CACNA1C: variants seen among roughly 807,000 people sequenced by gnomAD.
CACNA1C encodes voltage-dependent L-type calcium channel subunit alpha-1C.
A neutral mutation model predicts 229.0 loss-of-function variants in CACNA1C; 30 were observed. That is an observed-to-expected ratio of 0.13 (90% CI 0.10 to 0.18). The LOEUF (loss-of-function observed/expected upper bound fraction) is 0.18. Ranked by LOEUF, CACNA1C falls within the 10% of genes least tolerant of loss-of-function variation. The pLI, the probability that CACNA1C is intolerant of heterozygous loss-of-function variation, is 1.00. For missense variants in CACNA1C, 1,658 were observed against 2,845.0 expected (o/e 0.58, Z 9.49); for synonymous variants, 1,114 against 1,132.5 (o/e 0.98, Z 0.33).
At chr12:2,391,045 A>C (rs931439307) in intron 3 of CACNA1C, among the ~76,000 whole-genome samples, 1 of 152,188 alleles carries the variant, frequency 6.6e-6, no homozygotes, top group Non-Finnish European at 1.5e-5. Context: ...ACCCTAAGAG[A>C]GCATTTGGCA....
intron 3 of CACNA1C, chr12:2,288,198 A>C (rs2092989933): frequency 6.6e-6 from 1 of 152,374 alleles, no homozygotes; most frequent in South Asian, 2.1e-4. Flanking sequence ...TTGAGCATGA[A>C]TGTGCAGTAA....
chr12:2,237,715 G>T (rs1319457222), intron 3 of CACNA1C, among the ~76,000 whole-genome samples: 1 of 152,214 alleles, frequency 6.6e-6, no homozygotes, highest in Non-Finnish European at 1.5e-5. Flanking sequence ...CTGGGCAGAT[G>T]GTGGCTTTAA....
intron 1 of CACNA1C, among the ~76,000 whole-genome samples, chr12:2,059,614 G>A (rs2056670269): frequency 6.6e-6 from 1 of 152,154 alleles, no homozygotes; most frequent in African/African-American, 2.4e-5. Context: ...TGTATAGGGG[G>A]CAAGGGGCTA....
rs2153441852 is a variant in CACNA1C at position 2,608,984 on chromosome 12, A to G, written c.3558+272A>G. Reference sequence around the variant, plus strand: ...GATACTCTATGATAGGTTTTGTCAAATCTCATGCCCTATATAGAAGTTAAC... The same window carrying G: ...GATACTCTATGATAGGTTTTGTCAAGTCTCATGCCCTATATAGAAGTTAAC... On this transcript the variant is annotated intron_variant, in intron 27 of 46. Coordinates refer to ENST00000399655, the MANE Select transcript of CACNA1C (RefSeq NM_000719.7). The surrounding 1 kb of genome is among the most constrained non-coding windows in gnomAD (Gnocchi z 4.2). 1.3e-5 allele frequency among the ~76,000 whole-genome samples: 2 copies of G among 152,352 alleles called. 1 individual carries two copies. The highest frequency in any genetic ancestry group is 6.8e-3 in the Middle Eastern group (2 of 294).
intron 38 of CACNA1C, among the ~76,000 whole-genome samples, chr12:2,669,693 C>G (rs1250068489): frequency 6.6e-6 from 1 of 152,212 alleles, no homozygotes. Flanking sequence ...GACACAGTGA[C>G]AAGTGGTGGC....
intron 1 of CACNA1C, among the ~76,000 whole-genome samples, chr12:1,973,920 T>C (rs2033408291): frequency 6.6e-6 from 1 of 152,206 alleles, no homozygotes; most frequent in African/African-American, 2.4e-5. Flanking sequence ...TCTCTACTCG[T>C]CCTTGAAGAC....
At chr12:2,356,771 C>T (rs1484214455) in intron 3 of CACNA1C, among the ~76,000 whole-genome samples, 1 of 152,216 alleles carries the variant, frequency 6.6e-6, no homozygotes, top group Non-Finnish European at 1.5e-5. Flanking sequence ...GGTCAGCTTA[C>T]GTGCCTCTCC....
At chr12:2,521,158 T>G (rs1043843847) in intron 9 of CACNA1C, among the ~76,000 whole-genome samples, 10 of 152,182 alleles carry the variant, frequency 6.6e-5, no homozygotes, top group African/African-American at 2.4e-4. Flanking sequence ...AGAAGAAGGA[T>G]TCCCACACCC....
chr12:2,236,999 T>C (rs1205244842), intron 3 of CACNA1C, among the ~76,000 whole-genome samples: 3 of 152,220 alleles, frequency 2.0e-5, no homozygotes, highest in Non-Finnish European at 2.9e-5. Context: ...GATACTCTTG[T>C]TCTTCTGGTT....
chr12:2,232,241 T>TG (rs1291869506), intron 3 of CACNA1C, among the ~76,000 whole-genome samples: 60 of 147,994 alleles, frequency 4.1e-4, no homozygotes, highest in African/African-American at 1.1e-3. Context: ...TTTTTTTTTT[T>TG]TTTTTTTTTT....
At chr12:2,381,645 A>G (rs918417195) in intron 3 of CACNA1C, among the ~76,000 whole-genome samples, 1 of 152,148 alleles carries the variant, frequency 6.6e-6, no homozygotes, top group Non-Finnish European at 1.5e-5. Context: ...CTAACCCTGA[A>G]GACCATTTCC....
chr12:2,666,797 G>A lies in CACNA1C; in HGVS notation c.4623+15G>A, dbSNP rs1298442031. 1.3e-6 allele frequency: 2 copies of A among 1,532,842 alleles called. No individual in the cohort carries two copies. The highest frequency in any genetic ancestry group is 1.8e-6 in the Non-Finnish European group (2 of 1,117,840). 95.0% of individuals were successfully genotyped at this position (1,532,842 alleles called of 1,614,324 possible). A position where few individuals can be genotyped will look rare whatever the true frequency, so the allele number is the denominator to read the frequency against. On this transcript the variant is annotated intron_variant, in intron 37 of 46. Coordinates refer to ENST00000399655, the MANE Select transcript of CACNA1C (RefSeq NM_000719.7). The surrounding 1 kb of genome is among the most constrained non-coding windows in gnomAD (Gnocchi z 5.3). ...TGGCTTGCAAAGTAAGAGATAACGG[G>A]GTTCATGGGAGGGAGAGGGAAAATA...
chr12:2,626,292 G>A (rs1375614007), intron 29 of CACNA1C, among the ~76,000 whole-genome samples: 1 of 152,172 alleles, frequency 6.6e-6, no homozygotes, highest in African/African-American at 2.4e-5. Context: ...GTGACAGGAT[G>A]GGCTGTGGGA....
At chr12:2,274,199 AG>A (rs779321780) in intron 3 of CACNA1C, among the ~76,000 whole-genome samples, 2 of 152,204 alleles carry the variant, frequency 1.3e-5, no homozygotes, top group Non-Finnish European at 2.9e-5. Flanking sequence ...GACGTCCAGC[AG>A]TTCCCTCAGA....
intron 3 of CACNA1C, among the ~76,000 whole-genome samples, chr12:2,163,929 G>C (rs143354656): frequency 1.3e-3 from 203 of 152,308 alleles, no homozygotes; most frequent in African/African-American, 4.5e-3. Context: ...TCACGTTCCC[G>C]TGTGGAGTAG....
chr12:2,202,815 C>T (rs961021460), intron 3 of CACNA1C, among the ~76,000 whole-genome samples: 1 of 152,134 alleles, frequency 6.6e-6, no homozygotes, highest in Non-Finnish European at 1.5e-5. Context: ...TGGAATGAGG[C>T]TTGAGGATAA....
intron 15 of CACNA1C, among the ~76,000 whole-genome samples, chr12:2,583,667 T>C (rs1771392365): frequency 6.6e-6 from 1 of 152,176 alleles, no homozygotes; most frequent in Admixed American, 6.5e-5. Context: ...CTCTTGCAGA[T>C]TGAAGGTCCT....
chr12:2,477,981 G>A (rs1010822399), intron 5 of CACNA1C, among the ~76,000 whole-genome samples: 1 of 152,020 alleles, frequency 6.6e-6, no homozygotes, highest in African/African-American at 2.4e-5. Flanking sequence ...GAAAATAAAT[G>A]TAAGTACAGG....
chr12:2,195,631 A>G (rs2097376190), intron 3 of CACNA1C, among the ~76,000 whole-genome samples: 1 of 152,216 alleles, frequency 6.6e-6, no homozygotes, highest in Non-Finnish European at 1.5e-5. Context: ...AGGGGTAGGG[A>G]TGAAGGCAAG....
Sources: gnomAD v4.1 joint callset for allele counts (sites outside exome capture counted in the v4.1 genomes callset) on GRCh38, gnomAD v4.1.1 for gene constraint, Gnocchi (gnomAD v3.1) non-coding constraint, MANE v1.5 for transcripts, NCBI Gene and HGNC (gene_info 2026-07-23, HGNC 2026-07-21) for gene names.